Variants in GABRB1 observed in about 807,000 individuals in gnomAD.
GABRB1 encodes gamma-aminobutyric acid type A receptor subunit beta1, also known as gamma-aminobutyric acid receptor subunit beta-1.
GABRB1 carries 17 observed loss-of-function variants against 51.6 expected under a neutral mutation model. The observed-to-expected ratio is 0.33, with a 90% CI of 0.23 to 0.49. The LOEUF (loss-of-function observed/expected upper bound fraction) is 0.49, where lower values mean the gene tolerates loss of function less well. Ranked by LOEUF, GABRB1 falls within the 20% of genes least tolerant of loss-of-function variation. The pLI is 0.99. For synonymous variants in GABRB1, 247 were observed against 218.9 expected (o/e 1.13, Z -1.14); for missense variants, 410 against 600.6 (o/e 0.68, Z 3.32).
intron 5 of GABRB1, among the ~76,000 whole-genome samples, chr4:47,330,197 T>C (rs1725427336): frequency 6.6e-6 from 1 of 152,198 alleles, no homozygotes; most frequent in Admixed American, 6.6e-5. Context: ...ACTGGTTGGA[T>C]GACGCTCACC....
chr4:47,327,828 A>G (rs1725312028), intron 5 of GABRB1, among the ~76,000 whole-genome samples: 1 of 152,210 alleles, frequency 6.6e-6, no homozygotes, highest in African/African-American at 2.4e-5. Flanking sequence ...ATAGCATGTG[A>G]TAAGAAATAT....
chr4:47,277,623 A>G (rs2109902206), intron 4 of GABRB1, among the ~76,000 whole-genome samples: 1 of 152,150 alleles, frequency 6.6e-6, no homozygotes, highest in South Asian at 2.1e-4. Context: ...TATCCCATAA[A>G]TGTATATGCC....
At chr4:47,181,373 A>C (rs1208150836) in intron 4 of GABRB1, among the ~76,000 whole-genome samples, 1 of 151,980 alleles carries the variant, frequency 6.6e-6, no homozygotes, top group East Asian at 1.9e-4. Flanking sequence ...GGTTTTTACA[A>C]CCACCTAAAT....
At chr4:47,001,641 AT>A (rs1724221931) in intron 1 of GABRB1, among the ~76,000 whole-genome samples, 1 of 152,194 alleles carries the variant, frequency 6.6e-6, no homozygotes, top group South Asian at 2.1e-4. Flanking sequence ...GATCTGCAAC[AT>A]TAGATATTCC....
intron 3 of GABRB1, among the ~76,000 whole-genome samples, chr4:47,115,639 T>C (rs1320758895): frequency 6.6e-6 from 1 of 152,124 alleles, no homozygotes; most frequent in African/African-American, 2.4e-5. Flanking sequence ...CTGAAAGCTC[T>C]TCTGCTTTTT....
At chr4:47,368,780 T>A (rs1164588232) in intron 5 of GABRB1, among the ~76,000 whole-genome samples, 1 of 152,044 alleles carries the variant, frequency 6.6e-6, no homozygotes, top group Admixed American at 6.5e-5. Flanking sequence ...ACTTAAATAA[T>A]GTTAGTGGTC....
At chr4:47,355,730 C>T (rs1048118544) in intron 5 of GABRB1, among the ~76,000 whole-genome samples, 1 of 152,132 alleles carries the variant, frequency 6.6e-6, no homozygotes, top group African/African-American at 2.4e-5. Context: ...ACCATTAGCG[C>T]AGATATATCA....
chr4:47,167,114 T>C (rs1334618142), intron 4 of GABRB1, among the ~76,000 whole-genome samples: 1 of 152,196 alleles, frequency 6.6e-6, no homozygotes, highest in Non-Finnish European at 1.5e-5. Context: ...AATAAATGTT[T>C]GTAGAAATGA....
chr4:47,251,539 C>A (rs567346082), intron 4 of GABRB1, among the ~76,000 whole-genome samples: 7 of 152,092 alleles, frequency 4.6e-5, no homozygotes, highest in Non-Finnish European at 1.0e-4. Context: ...CTTCACCTAA[C>A]AGGGTGGGTA....
At chr4:47,303,128 G>T (rs987837308) in intron 4 of GABRB1, among the ~76,000 whole-genome samples, 8 of 151,850 alleles carry the variant, frequency 5.3e-5, no homozygotes, top group Non-Finnish European at 1.2e-4. Context: ...TGAATTTCTA[G>T]TTACTAAAAC....
intron 4 of GABRB1, among the ~76,000 whole-genome samples, chr4:47,180,846 T>C (rs1478052060): frequency 3.3e-5 from 5 of 152,074 alleles, no homozygotes; most frequent in Admixed American, 3.3e-4. Flanking sequence ...TTCTAAGATA[T>C]TTTTACAGAT....
At chr4:47,045,163 G>C (rs1270564584) in intron 3 of GABRB1, among the ~76,000 whole-genome samples, 3 of 151,958 alleles carry the variant, frequency 2.0e-5, no homozygotes, top group Non-Finnish European at 4.4e-5. Flanking sequence ...GCAAGTCCTT[G>C]ACAAAACATA....
chr4:47,237,143 G>T (rs558523567), intron 4 of GABRB1, among the ~76,000 whole-genome samples: 36 of 151,940 alleles, frequency 2.4e-4, no homozygotes, highest in Non-Finnish European at 4.4e-4. Context: ...AATGAAAAAG[G>T]TTATAATTTT....
intron 5 of GABRB1, among the ~76,000 whole-genome samples, chr4:47,398,913 C>T (rs956322409): frequency 6.6e-6 from 1 of 152,200 alleles, no homozygotes; most frequent in African/African-American, 2.4e-5. Flanking sequence ...GCCTCAGCCT[C>T]CTGAGTAGCT....
intron 5 of GABRB1, among the ~76,000 whole-genome samples, chr4:47,343,360 C>T (rs1725974287): frequency 1.3e-5 from 2 of 152,112 alleles, no homozygotes. Context: ...TTTGTGACTT[C>T]AAAATGCAGC....
At chr4:47,235,232 A>G (rs566508742) in intron 4 of GABRB1, among the ~76,000 whole-genome samples, 1 of 152,150 alleles carries the variant, frequency 6.6e-6, no homozygotes, top group East Asian at 1.9e-4. Flanking sequence ...CATGTGCAAA[A>G]CCCTCCATTG....
At chr4:47,123,296 T>C (rs1715869906) in intron 3 of GABRB1, among the ~76,000 whole-genome samples, 1 of 139,500 alleles carries the variant, frequency 7.2e-6, no homozygotes, top group Non-Finnish European at 1.5e-5. Context: ...TATGATTATA[T>C]ATAATATGTA....
chr4:47,032,412 G>T lies in GABRB1; in HGVS notation c.173-5G>T. ...TGTTCCTAATGTGGCCCACCTCCCC[G>T]GCAGGGCCCCCCGTCGACGTTGGGA... On this transcript the variant is annotated splice_region_variant and splice_polypyrimidine_tract_variant and intron_variant, in intron 2 of 8. Coordinates refer to ENST00000295454, the MANE Select transcript of GABRB1 (RefSeq NM_000812.4). 1 of 1,580,676 alleles carries T rather than the reference G, an allele frequency of 6.3e-7. No individual in the cohort carries two copies. Among genetic ancestry groups the T allele is most frequent in the Non-Finnish European group, 8.6e-7 (1 of 1,160,270 alleles).
At chr4:47,362,390 A>G (rs1328900799) in intron 5 of GABRB1, among the ~76,000 whole-genome samples, 5 of 152,172 alleles carry the variant, frequency 3.3e-5, no homozygotes, top group Middle Eastern at 3.4e-3. Flanking sequence ...GAAAAATGGG[A>G]TAGGTGGAGT....
Sources: allele counts gnomAD v4.1 joint callset (sites outside exome capture counted in the v4.1 genomes callset), GRCh38; gene constraint gnomAD v4.1.1; transcripts MANE v1.5; gene names NCBI Gene and HGNC (gene_info 2026-07-23, HGNC 2026-07-21).